The following CAMTA1 variants were observed in gnomAD, a reference collection of about 807,000 sequenced individuals.
CAMTA1 encodes the protein calmodulin binding transcription activator 1, also known as calmodulin-binding transcription activator 1.
CAMTA1 carries 27 observed loss-of-function variants against 170.9 expected under a neutral mutation model. The observed-to-expected ratio is 0.16, with a 90% CI of 0.12 to 0.22. The LOEUF (loss-of-function observed/expected upper bound fraction) is 0.22. CAMTA1 is among the 10% of genes least tolerant of loss of function. CAMTA1 has a pLI of 1.00. For missense variants in CAMTA1, 1,619 were observed against 2,217.2 expected (o/e 0.73, Z 5.42); for synonymous variants, 833 against 891.5 (o/e 0.93, Z 1.17).
At chr1:7,478,306 G>T (rs560374524) in intron 6 of CAMTA1, among the ~76,000 whole-genome samples, 221 of 152,314 alleles carry the variant, frequency 1.5e-3, no homozygotes, top group African/African-American at 5.0e-3. Flanking sequence ...CACTTGTTCC[G>T]CAGCCTCAGG....
chr1:7,458,193 G>T (rs546320815), intron 5 of CAMTA1, among the ~76,000 whole-genome samples: 183 of 152,274 alleles, frequency 1.2e-3, no homozygotes, highest in African/African-American at 4.2e-3. Flanking sequence ...GGGCCACCTG[G>T]TCCCCTGTGT....
At position 7,044,077 on chromosome 1, in the gene CAMTA1, T is replaced by G. The variant is rs1401982175; in HGVS notation, c.235-47227T>G. Among the ~76,000 whole-genome samples the G allele has an allele frequency of 2.6e-5, 4 of 152,254 alleles. No individual in the cohort carries two copies. Among genetic ancestry groups the G allele is most frequent in the Non-Finnish European group, 4.4e-5 (3 of 68,032 alleles). On this transcript the variant is annotated intron_variant, in intron 3 of 22. Coordinates refer to ENST00000303635, the MANE Select transcript of CAMTA1 (RefSeq NM_015215.4). The surrounding 1 kb of genome is among the most constrained non-coding windows in gnomAD (Gnocchi z 5.0). ...CCAGCGGAGGTCAGGAGCAGTGATC[T>G]ACGGGAGATGCTGCCGCCATCCCCT... is the stretch of plus-strand genomic sequence containing the variant.
At chr1:7,613,936 G>A (rs563448501) in intron 6 of CAMTA1, among the ~76,000 whole-genome samples, 2 of 143,966 alleles carry the variant, frequency 1.4e-5, no homozygotes, top group Admixed American at 6.9e-5. Flanking sequence ...TGGTGGGGGG[G>A]CAGGTCAGAC....
chr1:6,905,112 A>G (rs898809697), intron 3 of CAMTA1, among the ~76,000 whole-genome samples: 10 of 150,310 alleles, frequency 6.7e-5, no homozygotes, highest in Non-Finnish European at 1.2e-4. Flanking sequence ...GTTTTCTCCC[A>G]TCTTCTCCAT....
At chr1:6,891,832 T>G (rs757063232) in intron 3 of CAMTA1, among the ~76,000 whole-genome samples, 41 of 152,368 alleles carry the variant, frequency 2.7e-4, no homozygotes, top group Non-Finnish European at 4.6e-4. Context: ...TTCTGCAGTT[T>G]AAGAAAGTGA....
At chr1:7,338,467 C>T (rs542652012) in intron 5 of CAMTA1, among the ~76,000 whole-genome samples, 5 of 152,118 alleles carry the variant, frequency 3.3e-5, no homozygotes, top group South Asian at 2.1e-4. Flanking sequence ...CCACCATGTA[C>T]GCAGGAATGG....
At chr1:7,244,635 G>A (rs1022385286) in intron 4 of CAMTA1, among the ~76,000 whole-genome samples, 97 of 151,868 alleles carry the variant, frequency 6.4e-4, no homozygotes, top group Middle Eastern at 3.4e-3. Context: ...GCAAACTATC[G>A]CAAGGACAAA....
chr1:7,235,697 T>C (rs1663700253), intron 4 of CAMTA1, among the ~76,000 whole-genome samples: 1 of 152,220 alleles, frequency 6.6e-6, no homozygotes, highest in African/African-American at 2.4e-5. Context: ...CACCAGCTTC[T>C]GGGCCCTGCC....
intron 6 of CAMTA1, among the ~76,000 whole-genome samples, chr1:7,551,987 T>C (rs2094809030): frequency 6.6e-6 from 1 of 152,188 alleles, no homozygotes; most frequent in Non-Finnish European, 1.5e-5. Context: ...CATTTAATCC[T>C]CACCAGAATC....
rs1386648727 is a variant in CAMTA1 at position 7,113,320 on chromosome 1, TTTGC to T, written c.302+21953_302+21956del. On this transcript the variant is annotated intron_variant, in intron 4 of 22. Transcript: ENST00000303635. The surrounding 1 kb of genome is among the most constrained non-coding windows in gnomAD (Gnocchi z 4.5). ...GGGCTTGGGTTGGCCTTCCCGTATG[TTTGC>T]TTGGCCACGTGCCTGTGTGGCCATT... Among the ~76,000 whole-genome samples the T allele has an allele frequency of 6.6e-6, 1 of 152,158 alleles. No homozygotes were observed. The highest frequency in any genetic ancestry group is 1.5e-5 in the Non-Finnish European group (1 of 68,030).
chr1:7,389,905 CAG>C (rs1227201638), intron 5 of CAMTA1, among the ~76,000 whole-genome samples: 2 of 152,264 alleles, frequency 1.3e-5, no homozygotes, highest in East Asian at 3.9e-4. Context: ...CCCGTGGCTG[CAG>C]AGAGGTTTGC....
At chr1:7,261,555 C>T (rs1014795024) in intron 5 of CAMTA1, among the ~76,000 whole-genome samples, 2 of 152,166 alleles carry the variant, frequency 1.3e-5, no homozygotes, top group Admixed American at 6.5e-5. Context: ...CCAACAAGGC[C>T]GCCAAGCACA....
chr1:7,104,198 CACA>C (rs1175770721), intron 4 of CAMTA1, among the ~76,000 whole-genome samples: 2 of 151,858 alleles, frequency 1.3e-5, no homozygotes, highest in Non-Finnish European at 1.5e-5. Flanking sequence ...CACATGCACA[CACA>C]ACTACACACA....
intron 3 of CAMTA1, among the ~76,000 whole-genome samples, chr1:6,873,386 G>A (rs748893461): frequency 9.9e-5 from 15 of 152,176 alleles, no homozygotes; most frequent in East Asian, 3.9e-4. Context: ...TAAAGGAATG[G>A]CATCTGGCTC....
At chr1:6,914,870 CTTAAT>C (rs1680461673) in intron 3 of CAMTA1, among the ~76,000 whole-genome samples, 2 of 152,194 alleles carry the variant, frequency 1.3e-5, no homozygotes, top group South Asian at 4.1e-4. Flanking sequence ...ACTTTTTAAT[CTTAAT>C]TTATGAGCCT....
In CAMTA1 at chr1:7,195,208, C is replaced by T. The variant is rs1216067596; in HGVS notation, c.303-54283C>T. On this transcript the variant is annotated intron_variant, in intron 4 of 22. Transcript: ENST00000303635. This position sits in a 1 kb window ranked among gnomAD's most constrained non-coding sequence, Gnocchi z 4.1. ...TGGGCAGCTTGATGGACATTTGTGC[C>T]GTCCACCTTGCAGGCATATGGCAGC... 6.6e-6 allele frequency among the ~76,000 whole-genome samples: 1 copy of T among 152,196 alleles called. No homozygotes were observed. The highest frequency in any genetic ancestry group is 1.5e-5 in the Non-Finnish European group (1 of 68,036).
At chr1:6,927,304 A>T (rs973032627) in intron 3 of CAMTA1, among the ~76,000 whole-genome samples, 4 of 152,082 alleles carry the variant, frequency 2.6e-5, no homozygotes, top group Admixed American at 6.5e-5. Flanking sequence ...ACGCGCTGAG[A>T]CTGCAGGTGT....
At chr1:6,851,487 G>C (rs1057309120) in intron 3 of CAMTA1, among the ~76,000 whole-genome samples, 1 of 152,148 alleles carries the variant, frequency 6.6e-6, no homozygotes, top group African/African-American at 2.4e-5. Context: ...GCAGTATTTG[G>C]AGTGATGATA....
chr1:7,257,985 A>G (rs954654906), intron 5 of CAMTA1, among the ~76,000 whole-genome samples: 2 of 152,202 alleles, frequency 1.3e-5, no homozygotes, highest in Non-Finnish European at 2.9e-5. Context: ...AAGACACGCT[A>G]GCAGGTTGCT....
Sources: gnomAD v4.1 joint callset for allele counts (sites outside exome capture counted in the v4.1 genomes callset) on GRCh38, gnomAD v4.1.1 for gene constraint, Gnocchi (gnomAD v3.1) non-coding constraint, MANE v1.5 for transcripts, NCBI Gene and HGNC (gene_info 2026-07-23, HGNC 2026-07-21) for gene names.